GRID2: variants seen among roughly 807,000 people sequenced by gnomAD.
GRID2 encodes the protein glutamate receptor ionotropic, delta-2.
A neutral mutation model predicts 114.8 loss-of-function variants in GRID2; 33 were observed. The observed-to-expected ratio is 0.29, with a 90% CI of 0.22 to 0.38. The LOEUF is 0.38. Among genes scored for constraint, GRID2 ranks in the 10% least tolerant of loss-of-function variants. GRID2 has a pLI of 1.00. For synonymous variants in GRID2, 505 were observed against 449.9 expected (o/e 1.12, Z -1.55); for missense variants, 1,184 against 1,257.7 (o/e 0.94, Z 0.89).
chr4:93,352,636 C>G (rs17020487), intron 8 of GRID2, among the ~76,000 whole-genome samples: 6,922 of 152,070 alleles, frequency 0.046, 182 homozygotes, highest in South Asian at 0.068. Context: ...ATTGAATGAT[C>G]TTAATAAGAA....
chr4:93,578,600 T>G (rs1042960667), intron 13 of GRID2, among the ~76,000 whole-genome samples: 13 of 141,092 alleles, frequency 9.2e-5, no homozygotes, highest in East Asian at 2.0e-4. Flanking sequence ...TTTTTTTTTT[T>G]TTTTTTTTTT....
intron 4 of GRID2, among the ~76,000 whole-genome samples, chr4:93,163,051 C>T (rs966771237): frequency 4.0e-5 from 6 of 151,894 alleles, no homozygotes; most frequent in African/African-American, 1.4e-4. Context: ...TTGGAAGTAT[C>T]CTCTTTTTTA....
chr4:93,556,715 G>A (rs1368221957), intron 13 of GRID2, among the ~76,000 whole-genome samples: 4 of 152,112 alleles, frequency 2.6e-5, no homozygotes, highest in African/African-American at 7.2e-5. Context: ...TAGCAAGAGA[G>A]GCCAACATTC....
intron 8 of GRID2, chr4:93,282,340 G>C (rs759761646): frequency 1.2e-5 from 5 of 430,946 alleles, no homozygotes; most frequent in South Asian, 8.4e-5. Flanking sequence ...ACCAGAGATG[G>C]AGTAGTTTAT....
chr4:92,407,357 T>C (rs774467680), intron 1 of GRID2, among the ~76,000 whole-genome samples: 1 of 152,208 alleles, frequency 6.6e-6, no homozygotes, highest in African/African-American at 2.4e-5. Context: ...GTTGATTCCA[T>C]GTCCTTGCTA....
chr4:93,519,316 A>G (rs959292690), intron 13 of GRID2, among the ~76,000 whole-genome samples: 4 of 152,206 alleles, frequency 2.6e-5, no homozygotes, highest in African/African-American at 9.6e-5. Context: ...GGAGGCCATG[A>G]TGGTGACTCA....
chr4:93,656,499 A>G (rs1723002641), intron 14 of GRID2, among the ~76,000 whole-genome samples: 1 of 152,082 alleles, frequency 6.6e-6, no homozygotes. Context: ...AATAAAGTAA[A>G]TTTAGCCTAT....
At chr4:92,532,094 C>T (rs1435521505) in intron 1 of GRID2, among the ~76,000 whole-genome samples, 1 of 152,120 alleles carries the variant, frequency 6.6e-6, no homozygotes. Flanking sequence ...TGGAATCCCA[C>T]TAAAACAACT....
chr4:93,506,496 A>T (rs2149480410), intron 12 of GRID2, among the ~76,000 whole-genome samples: 1 of 152,306 alleles, frequency 6.6e-6, no homozygotes, highest in East Asian at 1.9e-4. Context: ...AGGAGTTCAA[A>T]CCAGAAGGAC....
chr4:93,503,432 A>G lies in GRID2; in HGVS notation c.1998-11784A>G, dbSNP rs865846621. Among the ~76,000 whole-genome samples the G allele has an allele frequency of 8.6e-5, 13 of 150,560 alleles. 1 individual carries two copies. The Middle Eastern group carries it at 0.014, about 159-fold the overall frequency. Reference sequence around the variant, plus strand: ...GTTGGTGTGCTGCACCCATTAACTCATCATTTAGCATTAGGTATGTCACCT... The same window carrying G: ...GTTGGTGTGCTGCACCCATTAACTCGTCATTTAGCATTAGGTATGTCACCT... On this transcript the variant is annotated intron_variant, in intron 12 of 15. Coordinates refer to ENST00000282020, the MANE Select transcript of GRID2 (RefSeq NM_001510.4).
chr4:93,094,621 A>T (rs1276656140), intron 3 of GRID2, among the ~76,000 whole-genome samples: 3 of 152,056 alleles, frequency 2.0e-5, no homozygotes, highest in Admixed American at 6.6e-5. Flanking sequence ...CTGGATATTG[A>T]ATTAGTATCT....
chr4:93,805,130 TC>T (rs1408776876), intron 1 of GRID2, among the ~76,000 whole-genome samples: 1 of 152,246 alleles, frequency 6.6e-6, no homozygotes, highest in Non-Finnish European at 1.5e-5. Context: ...AATGAGTATT[TC>T]TTCACACTGC....
chr4:93,215,392 G>A (rs1433033781), intron 5 of GRID2, among the ~76,000 whole-genome samples: 2 of 151,938 alleles, frequency 1.3e-5, no homozygotes, highest in African/African-American at 4.8e-5. Context: ...AAAGATGTCT[G>A]GTTAAAATCA....
At chr4:93,106,485 G>A (rs890951167) in intron 3 of GRID2, among the ~76,000 whole-genome samples, 5 of 152,078 alleles carry the variant, frequency 3.3e-5, no homozygotes, top group South Asian at 2.1e-4. Flanking sequence ...TAGCTGGGAC[G>A]ACGAGCATGC....
chr4:93,308,161 T>C (rs950357993), intron 8 of GRID2, among the ~76,000 whole-genome samples: 3 of 152,198 alleles, frequency 2.0e-5, no homozygotes, highest in African/African-American at 7.2e-5. Flanking sequence ...CTCCTATGAT[T>C]GGAGGGAATT....
chr4:93,039,872 C>T (rs1041585104), intron 2 of GRID2, among the ~76,000 whole-genome samples: 29 of 152,228 alleles, frequency 1.9e-4, no homozygotes, highest in African/African-American at 4.3e-4. Flanking sequence ...GCTCAATTAA[C>T]GTCCATTTCT....
At chr4:93,224,315 G>A (rs957315187) in intron 6 of GRID2, among the ~76,000 whole-genome samples, 1 of 152,146 alleles carries the variant, frequency 6.6e-6, no homozygotes, top group Non-Finnish European at 1.5e-5. Context: ...AAGGGCCAAT[G>A]ATTTTCTAAG....
At chr4:92,999,386 G>A (rs1200713062) in intron 2 of GRID2, among the ~76,000 whole-genome samples, 1 of 151,736 alleles carries the variant, frequency 6.6e-6, no homozygotes, top group Non-Finnish European at 1.5e-5. Context: ...TTTTTAACAG[G>A]ATACTCACCT....
intron 8 of GRID2, among the ~76,000 whole-genome samples, chr4:93,326,109 G>T (rs918906729): frequency 6.6e-6 from 1 of 152,092 alleles, no homozygotes. Context: ...TAACAGTCAG[G>T]GTTTAGTAGA....
Sources: gnomAD v4.1 joint callset for allele counts (sites outside exome capture counted in the v4.1 genomes callset) on GRCh38, gnomAD v4.1.1 for gene constraint, MANE v1.5 for transcripts, NCBI Gene and HGNC (gene_info 2026-07-23, HGNC 2026-07-21) for gene names.